Variants in RBAK observed in about 807,000 individuals in gnomAD.
RBAK encodes RB-associated KRAB zinc finger protein.
A neutral mutation model predicts 65.8 loss-of-function variants in RBAK; 39 were observed. The observed-to-expected ratio is 0.59, with a 90% CI of 0.46 to 0.77. The LOEUF is 0.77. Among genes scored for constraint, RBAK ranks in the 30% least tolerant of loss-of-function variants. The pLI is 0.00. For synonymous variants in RBAK, 343 were observed against 289.7 expected (o/e 1.18, Z -1.87); for missense variants, 884 against 855.1 (o/e 1.03, Z -0.42).
chr7:5,062,741 G>T (rs1779107769), intron 4 of RBAK, among the ~76,000 whole-genome samples: 1 of 152,108 alleles, frequency 6.6e-6, no homozygotes, highest in Non-Finnish European at 1.5e-5. Context: ...CACCTAAGGG[G>T]GCCATCTATA....
chr7:5,057,843 A>G, intron 4 of RBAK, 64 bp downstream of exon 4: 1 of 1,585,542 alleles, frequency 6.3e-7, no homozygotes, highest in Non-Finnish European at 8.6e-7. Flanking sequence ...GAGACTAAAG[A>G]GTTGTTTATA....
At position 5,065,771 on chromosome 7, in the gene RBAK, CAAG is replaced by C; in HGVS notation, c.*174_*176del. ...CAGAGAAGAATCCCGAAGAATGTAA[CAAG>C]AAGCAAAGCCTTCAGCAAGATCATA... On this transcript the variant is annotated 3_prime_UTR_variant, in exon 5 of 5. Transcript: ENST00000396912. This position sits in a 1 kb window ranked among gnomAD's most constrained non-coding sequence, Gnocchi z 5.3. 1 of 458,252 alleles carries C rather than the reference CAAG, an allele frequency of 2.2e-6. No individual in the cohort carries two copies. 28.4% of individuals were successfully genotyped at this position (458,252 alleles called of 1,614,324 possible). A position where few individuals can be genotyped will look rare whatever the true frequency, so the allele number is the denominator to read the frequency against.
In RBAK at chr7:5,065,452, C is replaced by T. The variant is rs1471246811; in HGVS notation, c.1996C>T (p.Leu666Phe). ...GAAAGTCTTTTCTCAGAAGTCATACCTCACTGTACACTATAGAACTCATTC... is the reference window on the plus strand; with the variant it reads ...GAAAGTCTTTTCTCAGAAGTCATACTTCACTGTACACTATAGAACTCATTC... ...CGKVFSQKSYLTVHYRTHSGE... is the reference protein window; with the variant it reads ...CGKVFSQKSYFTVHYRTHSGE... The change falls in exon 5 of 5, where the codon CTC (leucine) becomes TTC (phenylalanine). Residue 666 changes from leucine (L) to phenylalanine (F), a missense_variant. Coordinates refer to ENST00000396912, the MANE Select transcript of RBAK (RefSeq NM_021163.4). The surrounding 1 kb of genome is among the most constrained non-coding windows in gnomAD (Gnocchi z 5.3). 6.2e-7 allele frequency: 1 copy of T among 1,613,746 alleles called. No homozygotes were observed.
At chr7:5,059,529 C>A (rs1444771498) in intron 4 of RBAK, among the ~76,000 whole-genome samples, 1 of 152,016 alleles carries the variant, frequency 6.6e-6, no homozygotes, top group African/African-American at 2.4e-5. Context: ...ACATAACATA[C>A]AATTTACCAT....
rs1346805109 is a variant in RBAK, at chr7:5,065,664, G to A, written c.*63G>A. ...ATGAATATGGGGAATCCAATAGGAAGTCAAAGCGTTTATCTGAGAGTTCGT... is the reference window on the plus strand; with the variant it reads ...ATGAATATGGGGAATCCAATAGGAAATCAAAGCGTTTATCTGAGAGTTCGT... On this transcript the variant is annotated 3_prime_UTR_variant, in exon 5 of 5. Transcript: ENST00000396912. This position sits in a 1 kb window ranked among gnomAD's most constrained non-coding sequence, Gnocchi z 5.3. 8.1e-7 allele frequency: 1 copy of A among 1,240,574 alleles called. No homozygotes were observed. The highest frequency in any genetic ancestry group is 1.1e-6 in the Non-Finnish European group (1 of 919,344). 76.8% of individuals were successfully genotyped at this position (1,240,574 alleles called of 1,614,324 possible).
chr7:5,053,090 A>G lies in RBAK; in HGVS notation c.16-4205A>G, dbSNP rs150861990. Among the ~76,000 whole-genome samples, 104 of 152,336 alleles carry G rather than the reference A, an allele frequency of 6.8e-4. 1 individual carries two copies. The highest frequency in any genetic ancestry group is 2.4e-3 in the African/African-American group (99 of 41,576). ...ATCTTTTAAAAAGATTTAAGTAATG[A>G]GAGAAAATACACAGTTACCATTTCT... On this transcript the variant is annotated intron_variant, in intron 2 of 4. Coordinates refer to ENST00000396912, the MANE Select transcript of RBAK (RefSeq NM_021163.4).
At chr7:5,059,374 G>A (rs1779012513) in intron 4 of RBAK, among the ~76,000 whole-genome samples, 1 of 151,820 alleles carries the variant, frequency 6.6e-6, no homozygotes, top group Non-Finnish European at 1.5e-5. Flanking sequence ...AGGCTGGAGT[G>A]CAATGGCATG....
At chr7:5,060,648 A>T (rs1449656614) in intron 4 of RBAK, among the ~76,000 whole-genome samples, 2 of 152,250 alleles carry the variant, frequency 1.3e-5, no homozygotes, top group East Asian at 3.8e-4. Flanking sequence ...TTGAATGAGG[A>T]AGATCACGAG....
Position 5,057,300 on chromosome 7 carries a change from A to G in RBAK, c.21A>G (p.Pro7=). The change falls in exon 3 of 5, where the codon CCA becomes CCG. Residue 7 remains proline (P), a synonymous_variant. Transcript: ENST00000396912. MNTLQG[P]VSFKDVAVDF... is the part of the protein sequence containing the mutation. ...TGATCATGTTGCCATTACAGGGGCC[A>G]GTGTCATTCAAAGATGTGGCTGTGG... 2 of 1,613,964 alleles carry G rather than the reference A, an allele frequency of 1.2e-6. No homozygotes were observed. The highest frequency in any genetic ancestry group is 1.7e-6 in the Non-Finnish European group (2 of 1,179,992).
chr7:5,059,623 G>A (rs1210011571), intron 4 of RBAK, among the ~76,000 whole-genome samples: 3 of 152,022 alleles, frequency 2.0e-5, no homozygotes, highest in Non-Finnish European at 2.9e-5. Context: ...CTTTACATTT[G>A]AACTGAAAAG....
At position 5,048,565 on chromosome 7, in the gene RBAK, A is replaced by T. The variant is rs1352455426; in HGVS notation, c.15+474A>T. 6.6e-6 allele frequency among the ~76,000 whole-genome samples: 1 copy of T among 152,212 alleles called. No individual in the cohort carries two copies. Among genetic ancestry groups the T allele is most frequent in the Non-Finnish European group, 1.5e-5 (1 of 68,042 alleles). On this transcript the variant is annotated intron_variant, in intron 2 of 4. Transcript: ENST00000396912. This position sits in a 1 kb window ranked among gnomAD's most constrained non-coding sequence, Gnocchi z 4.4. ...AGATCAGCACCAAAAATGATTTGTG[A>T]AGCTTGTATGTGTGGATAGTAGATT...
rs1778953937 is a variant in RBAK at position 5,057,372 on chromosome 7, A to G, written c.93A>G (p.Ile31Met). Residue 31 changes from isoleucine to methionine, a missense_variant, in exon 3 of 5, where the codon ATA (isoleucine) becomes ATG (methionine). By Grantham distance (10) the Ile-to-Met change is conservative (BLOSUM62 1). Coordinates refer to ENST00000396912, the MANE Select transcript of RBAK (RefSeq NM_021163.4). ...EWQQLDPDEK[I>M]TYRDVMLENY... Reference sequence around the variant, plus strand: ...AGCAGCTGGACCCTGATGAGAAGATAACTTACAGGGATGTGATGTTGGAGA... The same window carrying G: ...AGCAGCTGGACCCTGATGAGAAGATGACTTACAGGGATGTGATGTTGGAGA... 1.2e-6 allele frequency: 2 copies of G among 1,614,078 alleles called. No homozygotes were observed. Among genetic ancestry groups the G allele is most frequent in the Non-Finnish European group, 1.7e-6 (2 of 1,180,022 alleles).
intron 2 of RBAK, among the ~76,000 whole-genome samples, chr7:5,052,588 G>C (rs779315351): frequency 5.3e-5 from 8 of 152,154 alleles, no homozygotes; most frequent in Non-Finnish European, 1.0e-4. Flanking sequence ...TTATTCTTAA[G>C]TGATATACCA....
Position 5,064,946 on chromosome 7 carries a change from A to G in RBAK, c.1490A>G (p.Tyr497Cys). The G allele has an allele frequency of 1.2e-6, 2 of 1,614,150 alleles. No homozygotes were observed. Among genetic ancestry groups the G allele is most frequent in the South Asian group, 1.1e-5 (1 of 91,074 alleles). ...GAATGTGGAAAGTTCTCTCAGTTGT[A>G]TCTCACCGACCATCATACAGCTCAT... ...CSECGKFSQL[Y>C]LTDHHTAHLE... Residue 497 changes from tyrosine to cysteine, a missense_variant, in exon 5 of 5, where the codon TAT becomes TGT. Coordinates refer to ENST00000396912, the MANE Select transcript of RBAK (RefSeq NM_021163.4). This position sits in a 1 kb window ranked among gnomAD's most constrained non-coding sequence, Gnocchi z 6.3.
intron 3 of RBAK, 127 bp downstream of exon 3, chr7:5,057,548 T>A: frequency 1.3e-6 from 2 of 1,592,698 alleles, no homozygotes; most frequent in Non-Finnish European, 1.7e-6. Flanking sequence ...TTATTATTCA[T>A]TGAAAGGTTC....
At chr7:5,059,485 C>T (rs1779016284) in intron 4 of RBAK, among the ~76,000 whole-genome samples, 1 of 151,822 alleles carries the variant, frequency 6.6e-6, no homozygotes, top group African/African-American at 2.4e-5. Context: ...CCATGCCTGG[C>T]TAATTTTTAT....
chr7:5,047,810 A>G (rs62444315), intron 1 of RBAK, among the ~76,000 whole-genome samples: 56,587 of 151,504 alleles, frequency 0.37, 11,157 homozygotes, highest in East Asian at 0.55. Context: ...GTTTCGCCAT[A>G]TTGGCCAAGG....
chr7:5,057,490 G>C (rs1778958024), intron 3 of RBAK, 69 bp downstream of exon 3: 1 of 1,613,378 alleles, frequency 6.2e-7, no homozygotes, highest in African/African-American at 1.3e-5. Flanking sequence ...GAAGAAATAA[G>C]TGATGACACC....
At chr7:5,050,076 A>G (rs79078905) in intron 2 of RBAK, among the ~76,000 whole-genome samples, 9 of 152,254 alleles carry the variant, frequency 5.9e-5, no homozygotes, top group Middle Eastern at 3.4e-3. Context: ...ACCTCAAGCA[A>G]TCCTTTCACT....
Sources: allele counts gnomAD v4.1 joint callset (sites outside exome capture counted in the v4.1 genomes callset), GRCh38; gene constraint gnomAD v4.1.1; non-coding constraint Gnocchi (gnomAD v3.1); transcripts MANE v1.5; gene names NCBI Gene and HGNC (gene_info 2026-07-23, HGNC 2026-07-21).